CEACAM1: variants seen among roughly 807,000 people sequenced by gnomAD.
CEACAM1 encodes cell adhesion molecule CEACAM1.
Under a neutral mutation model 49.1 loss-of-function variants are expected in CEACAM1, and 31 were observed. The observed-to-expected ratio is 0.63, with a 90% CI of 0.47 to 0.85. CEACAM1 has a LOEUF of 0.85. Among genes scored for constraint, CEACAM1 ranks in the 40% least tolerant of loss-of-function variants. The pLI is 0.00. For missense variants in CEACAM1, 570 were observed against 645.3 expected (o/e 0.88, Z 1.26); for synonymous variants, 244 against 247.8 (o/e 0.98, Z 0.14).
At position 42,508,873 on chromosome 19, in the gene CEACAM1, C is replaced by T. The variant is rs2041387228; in HGVS notation, c.*236G>A. The T allele has an allele frequency of 4.4e-6, 2 of 452,572 alleles. No homozygotes were observed. The highest frequency in any genetic ancestry group is 7.9e-6 in the Non-Finnish European group (2 of 253,200). The allele number at this position is 452,572 out of a possible 1,614,324, so 28.0% of individuals were successfully genotyped here. On this transcript the variant is annotated 3_prime_UTR_variant, in exon 9 of 9. Coordinates refer to ENST00000161559, the MANE Select transcript of CEACAM1 (RefSeq NM_001712.5). The stretch of plus-strand genomic sequence containing the variant: ...TCCCTCTTTCCCAAAGTCAGCTTTG[C>T]CAAATTTCAATGACAAGAAGGTTGG...
At chr19:42,509,666 G>A (rs1036670233) in intron 8 of CEACAM1, among the ~76,000 whole-genome samples, 11 of 151,598 alleles carry the variant, frequency 7.3e-5, no homozygotes, top group Admixed American at 6.6e-4. Flanking sequence ...TCGCTCTGTC[G>A]CCCAGGCTGG....
Position 42,528,400 on chromosome 19 carries a change from AC to A in CEACAM1, c.-27del. 1 of 1,612,462 alleles carries A rather than the reference AC, an allele frequency of 6.2e-7. No individual in the cohort carries two copies. Among genetic ancestry groups the A allele is most frequent in the African/African-American group, 1.3e-5 (1 of 74,926 alleles). ...GGTGTCTCCTGCTGGCCCTGTCTTC[AC>A]CTGTGGAGGAGAGCTTGGGCTCCAG... is the stretch of plus-strand genomic sequence containing the variant. On this transcript the variant is annotated 5_prime_UTR_variant, in exon 1 of 9. Coordinates refer to ENST00000161559, the MANE Select transcript of CEACAM1 (RefSeq NM_001712.5).
intron 5 of CEACAM1, among the ~76,000 whole-genome samples, chr19:42,515,875 A>G (rs1190396211): frequency 6.6e-6 from 1 of 152,226 alleles, no homozygotes; most frequent in Non-Finnish European, 1.5e-5. Flanking sequence ...ACAAATTCCT[A>G]GAAACACAAA....
intron 7 of CEACAM1, 163 bp from the exon 8 acceptor site, chr19:42,511,083 G>A (rs2147768056): frequency 1.5e-6 from 1 of 666,144 alleles, no homozygotes; most frequent in East Asian, 2.7e-5. Flanking sequence ...GTTAGTACCA[G>A]AGAGGGGGCA....
At chr19:42,520,487 C>T (rs955056665) in intron 4 of CEACAM1, 3 of 152,376 alleles carry the variant, frequency 2.0e-5, no homozygotes, top group Middle Eastern at 3.1e-3. Context: ...CCTCAGCCTC[C>T]CTAGTGGCAT....
rs1555798810 is a variant in CEACAM1 at position 42,513,915 on chromosome 19, T to TATAAATAA, written c.1247-1437_1247-1436insTTATTTAT. On this transcript the variant is annotated intron_variant, in intron 5 of 8. Transcript: ENST00000161559. ...CTCCATATATATATATATATATATA[T>TATAAATAA]ATAATATATAAATAATACCTTTTGC... Among the ~76,000 whole-genome samples, 67 of 129,606 alleles carry TATAAATAA rather than the reference T, an allele frequency of 5.2e-4. 1 individual carries two copies. The highest frequency in any genetic ancestry group is 2.2e-3 in the African/African-American group (60 of 27,024). 85.0% of individuals were successfully genotyped at this position (129,606 alleles called of 152,430 possible). A position where few individuals can be genotyped will look rare whatever the true frequency, so the allele number is the denominator to read the frequency against.
Position 42,527,288 on chromosome 19 carries a change from G to A in CEACAM1, c.177C>T (p.Pro59=). Residue 59 remains proline (P), a synonymous_variant, in exon 2 of 9, where the codon CCC becomes CCT. Transcript: ENST00000161559. ...KEVLLLVHNL[P]QQLFGYSWYK... ...ACCAGCTGTAGCCAAAAAGTTGCTG[G>A]GGCAGATTGTGGACAAGGAGAAGAA... The A allele has an allele frequency of 6.2e-7, 1 of 1,613,982 alleles. No homozygotes were observed. Among genetic ancestry groups the A allele is most frequent in the Non-Finnish European group, 8.5e-7 (1 of 1,179,934 alleles).
At chr19:42,527,686 T>C (rs1487326973) in intron 1 of CEACAM1, 2 of 347,978 alleles carry the variant, frequency 5.7e-6, no homozygotes, top group African/African-American at 2.1e-5. Context: ...ATCAGGGTGC[T>C]CTTGGGAGAT....
At chr19:42,510,298 G>A (rs574644186) in intron 8 of CEACAM1, among the ~76,000 whole-genome samples, 1 of 151,858 alleles carries the variant, frequency 6.6e-6, no homozygotes, top group South Asian at 2.1e-4. Context: ...ATGTTAGCCA[G>A]AATGGTCTCG....
rs765778184 is a variant in CEACAM1, at chr19:42,527,158, G to C, written c.307C>G (p.Pro103Ala). 1 of 1,614,152 alleles carries C rather than the reference G, an allele frequency of 6.2e-7. No homozygotes were observed. The highest frequency in any genetic ancestry group is 8.5e-7 in the Non-Finnish European group (1 of 1,180,018). The change falls in exon 2 of 9, where the codon CCC becomes GCC. Residue 103 changes from proline (P) to alanine (A), a missense_variant. By Grantham distance (27) the Pro-to-Ala change is conservative. Coordinates refer to ENST00000161559, the MANE Select transcript of CEACAM1 (RefSeq NM_001712.5). ...PANSGRETIY[P>A]NASLLIQNVT... ...TTCTGGATCAGCAGGGATGCATTGG[G>C]GTATATTGTCTCTCGACCGCTGTTT... is the stretch of plus-strand genomic sequence containing the variant.
At chr19:42,513,152 C>T (rs541924495) in intron 5 of CEACAM1, among the ~76,000 whole-genome samples, 27 of 152,298 alleles carry the variant, frequency 1.8e-4, no homozygotes, top group African/African-American at 6.3e-4. Context: ...GCAGTTGGTG[C>T]ATTCTGAATT....
chr19:42,514,008 C>T (rs1485340159), intron 5 of CEACAM1, among the ~76,000 whole-genome samples: 1 of 132,574 alleles, frequency 7.5e-6, no homozygotes, highest in Non-Finnish European at 1.5e-5. Context: ...ATCACCCAGG[C>T]TGGAGTGCAG....
At chr19:42,518,134 T>G (rs1339883340) in intron 5 of CEACAM1, among the ~76,000 whole-genome samples, 1 of 152,090 alleles carries the variant, frequency 6.6e-6, no homozygotes, top group African/African-American at 2.4e-5. Context: ...CTTAGAATAG[T>G]TAAATACGGG....
At chr19:42,518,751 T>C (rs112125387) in intron 5 of CEACAM1, 197 bp downstream of exon 5, 23 of 630,748 alleles carry the variant, frequency 3.6e-5, no homozygotes, top group South Asian at 1.5e-4. Flanking sequence ...CCGCCCGCCT[T>C]GGCCTCCCAA....
In CEACAM1 at chr19:42,513,620, C is replaced by T. The variant is rs539449913; in HGVS notation, c.1247-1141G>A. Among the ~76,000 whole-genome samples the T allele has an allele frequency of 3.1e-4, 47 of 151,258 alleles. No individual in the cohort carries two copies. In the South Asian group the frequency reaches 9.6e-3, roughly 31 times the overall value. Reference sequence around the variant, plus strand: ...TCAAAAAACAAACAAACAAAAACTGCACTTCAATCTAAAACTTCCTTCCTC... The same window carrying T: ...TCAAAAAACAAACAAACAAAAACTGTACTTCAATCTAAAACTTCCTTCCTC... On this transcript the variant is annotated intron_variant, in intron 5 of 8. Coordinates refer to ENST00000161559, the MANE Select transcript of CEACAM1 (RefSeq NM_001712.5).
At chr19:42,523,983 G>A (rs1025828168) in intron 2 of CEACAM1, among the ~76,000 whole-genome samples, 23 of 152,106 alleles carry the variant, frequency 1.5e-4, no homozygotes, top group African/African-American at 5.6e-4. Flanking sequence ...CATATGAGGA[G>A]AAGTGATGTA....
At chr19:42,512,213 G>T in intron 6 of CEACAM1, 137 bp downstream of exon 6, 1 of 946,916 alleles carries the variant, frequency 1.1e-6, no homozygotes, top group Non-Finnish European at 1.6e-6. Context: ...AAACCTGTGG[G>T]AATTAGTGCC....
Position 42,521,440 on chromosome 19 carries a change from G to A in CEACAM1, c.785C>T (p.Ala262Val). Residue 262 changes from alanine to valine, a missense_variant, in exon 4 of 9, where the codon GCC becomes GTC. By Grantham distance (64) the Ala-to-Val change is moderately conservative (BLOSUM62 0). Coordinates refer to ENST00000161559, the MANE Select transcript of CEACAM1 (RefSeq NM_001712.5). The stretch of plus-strand genomic sequence containing the variant: ...GGAGTACTGTGCAGGTGGGTTAGAG[G>A]CTGCATAGCAGGAGAGGCTGAGGTT... Reference protein sequence around the residue: ...GANLSLSCYAASNPPAQYSWL... With the variant: ...GANLSLSCYAVSNPPAQYSWL... 1 of 1,614,214 alleles carries A rather than the reference G, an allele frequency of 6.2e-7. No homozygotes were observed. The highest frequency in any genetic ancestry group is 8.5e-7 in the Non-Finnish European group (1 of 1,180,038).
chr19:42,518,803 G>A, intron 5 of CEACAM1, 145 bp downstream of exon 5: 1 of 969,234 alleles, frequency 1.0e-6, no homozygotes, highest in African/African-American at 1.6e-5. Flanking sequence ...CCCGGCCTGA[G>A]CTGAGCTCTT....
Sources: allele counts gnomAD v4.1 joint callset (sites outside exome capture counted in the v4.1 genomes callset), GRCh38; gene constraint gnomAD v4.1.1; transcripts MANE v1.5; gene names NCBI Gene and HGNC (gene_info 2026-07-23, HGNC 2026-07-21).